Variants in FAM161A observed in about 807,000 individuals in gnomAD.
FAM161A encodes the protein protein FAM161A.
In FAM161A, 57 loss-of-function variants were observed where a neutral mutation model predicts 70.9. The observed-to-expected ratio is 0.80, with a 90% CI of 0.65 to 1.00. FAM161A has a LOEUF of 1.00. Ranked by LOEUF, FAM161A falls within the 50% of genes least tolerant of loss-of-function variation. The pLI, the probability that FAM161A is intolerant of heterozygous loss-of-function variation, is 0.00. For synonymous variants in FAM161A, 299 were observed against 295.7 expected, an observed-to-expected ratio of 1.01 and a Z score of -0.12; for missense variants, 880 against 836.0, an observed-to-expected ratio of 1.05 and a Z score of -0.65.
chr2:61,850,874 G>A (rs1673474572), intron 1 of FAM161A, among the ~76,000 whole-genome samples: 1 of 151,932 alleles, frequency 6.6e-6, no homozygotes, highest in Admixed American at 6.6e-5. Context: ...TTATGTGTCT[G>A]TTCATTTTTT....
chr2:61,818,213 G>A, the FAM161A span, among the ~76,000 whole-genome samples: 8 of 151,970 alleles, frequency 5.3e-5, no homozygotes, highest in African/African-American at 1.7e-4. Flanking sequence ...CCACCACCAC[G>A]CCCGGCTAAT....
chr2:61,844,065 C>T (rs1353891410), intron 1 of FAM161A, among the ~76,000 whole-genome samples: 1 of 151,958 alleles, frequency 6.6e-6, no homozygotes, highest in Non-Finnish European at 1.5e-5. Flanking sequence ...ATGGCGTGAA[C>T]CTGGGAGGCA....
the FAM161A span, among the ~76,000 whole-genome samples, chr2:61,807,154 T>G: frequency 6.6e-6 from 1 of 152,120 alleles, no homozygotes; most frequent in Admixed American, 6.6e-5. Context: ...CAGGAGGGCT[T>G]GCTAATTGAA....
Position 61,840,125 on chromosome 2 carries a change from G to C in FAM161A, c.879C>G (p.Leu293=). 6.2e-7 allele frequency: 1 copy of C among 1,614,144 alleles called. No individual in the cohort carries two copies. Among genetic ancestry groups the C allele is most frequent in the Non-Finnish European group, 8.5e-7 (1 of 1,180,042 alleles). The change falls in exon 3 of 7, where the codon CTC becomes CTG. Residue 293 remains leucine (L), a synonymous_variant. Transcript: ENST00000404929. ...GCTTGACTAAATCATGGTAAAGGGG[G>C]AGAAAGACAGATGCAGGAACTGGAT... ...RANPVPASVF[L]PLYHDLVKQK...
intron 1 of FAM161A, among the ~76,000 whole-genome samples, chr2:61,851,392 A>G (rs1673492270): frequency 3.3e-5 from 5 of 151,880 alleles, no homozygotes; most frequent in African/African-American, 1.2e-4. Flanking sequence ...GCTGGAGTGC[A>G]GTTTTTGCAT....
At chr2:61,844,170 C>T (rs575411507) in intron 1 of FAM161A, among the ~76,000 whole-genome samples, 183 of 152,154 alleles carry the variant, frequency 1.2e-3, no homozygotes, top group Non-Finnish European at 2.3e-3. Context: ...TTCAATAGAA[C>T]TTACGTGCAG....
chr2:61,818,307 C>T, the FAM161A span, among the ~76,000 whole-genome samples: 1,566 of 152,264 alleles, frequency 0.01, 24 homozygotes, highest in African/African-American at 0.036. Flanking sequence ...CCACCCGCCT[C>T]GGTCTCCCAA....
intron 1 of FAM161A, among the ~76,000 whole-genome samples, chr2:61,846,501 C>T (rs1241335024): frequency 2.6e-5 from 4 of 152,184 alleles, no homozygotes; most frequent in African/African-American, 9.7e-5. Context: ...GATACTCATA[C>T]AAGCCTGGGC....
At chr2:61,820,272 G>A (rs765153900), downstream of FAM161A, 10 of 680,360 alleles carry the variant, frequency 1.5e-5, no homozygotes, top group Non-Finnish European at 2.1e-5. Flanking sequence ...GCTTTGAAAC[G>A]ACTGATGAGA....
intron 5 of FAM161A, among the ~76,000 whole-genome samples, chr2:61,834,054 C>G (rs1211777611): frequency 6.6e-6 from 1 of 152,022 alleles, no homozygotes; most frequent in Non-Finnish European, 1.5e-5. Flanking sequence ...ATCAGACAGA[C>G]AATAACAAGT....
At chr2:61,847,555 G>A (rs927409412) in intron 1 of FAM161A, among the ~76,000 whole-genome samples, 4 of 152,130 alleles carry the variant, frequency 2.6e-5, no homozygotes, top group Non-Finnish European at 4.4e-5. Flanking sequence ...TGGATTGCTT[G>A]AGCCCAGGAG....
At chr2:61,811,490 C>T in the FAM161A span, among the ~76,000 whole-genome samples, 1 of 152,136 alleles carries the variant, frequency 6.6e-6, no homozygotes, top group African/African-American at 2.4e-5. Flanking sequence ...TCTCCTGTCT[C>T]AGCCTCCCAG....
At chr2:61,853,680 C>G (rs545192680) in intron 1 of FAM161A, among the ~76,000 whole-genome samples, 179 bp downstream of exon 1, 1 of 152,156 alleles carries the variant, frequency 6.6e-6, no homozygotes, top group Non-Finnish European at 1.5e-5. Flanking sequence ...TTCAACGCCT[C>G]GATTTAGAGT....
the FAM161A span, among the ~76,000 whole-genome samples, chr2:61,807,333 A>C: frequency 6.6e-6 from 1 of 151,862 alleles, no homozygotes; most frequent in Non-Finnish European, 1.5e-5. Flanking sequence ...TAAATCACAA[A>C]ATAAAAGGCA....
chr2:61,807,577 G>A, the FAM161A span, among the ~76,000 whole-genome samples: 6 of 150,176 alleles, frequency 4.0e-5, no homozygotes, highest in African/African-American at 1.2e-4. Flanking sequence ...CAAAGTGGGG[G>A]ACTTTGCAGA....
chr2:61,853,220 T>C (rs1673558558), intron 1 of FAM161A, among the ~76,000 whole-genome samples: 1 of 152,156 alleles, frequency 6.6e-6, no homozygotes, highest in African/African-American at 2.4e-5. Flanking sequence ...AAGATTCCCA[T>C]CTTTTAAGTG....
rs1373683788 is a variant in FAM161A, at chr2:61,825,568, G to A, written c.*887C>T. 2 of 444,080 alleles carry A rather than the reference G, an allele frequency of 4.5e-6. No individual in the cohort carries two copies. The highest frequency in any genetic ancestry group is 4.5e-6 in the Non-Finnish European group (1 of 224,636). The allele number at this position is 444,080 out of a possible 1,614,324, so 27.5% of individuals were successfully genotyped here. On this transcript the variant is annotated 3_prime_UTR_variant, in exon 7 of 7. Coordinates refer to ENST00000404929, the MANE Select transcript of FAM161A (RefSeq NM_001201543.2). ...GATAAAAAGAAAAAGGGATGATGGT[G>A]TAGACAATTTAACAGTAAACTCTCA...
intron 1 of FAM161A, among the ~76,000 whole-genome samples, chr2:61,844,174 C>T (rs1035605690): frequency 2.6e-5 from 4 of 152,062 alleles, no homozygotes; most frequent in African/African-American, 7.2e-5. Flanking sequence ...ATAGAACTTA[C>T]GTGCAGAAAT....
At chr2:61,829,317 T>C (rs1488651235) in intron 5 of FAM161A, among the ~76,000 whole-genome samples, 1 of 152,056 alleles carries the variant, frequency 6.6e-6, no homozygotes, top group African/African-American at 2.4e-5. Context: ...ATTTGCCAAA[T>C]CTAGTATAAT....
Sources: allele counts gnomAD v4.1 joint callset (sites outside exome capture counted in the v4.1 genomes callset), GRCh38; gene constraint gnomAD v4.1.1; transcripts MANE v1.5; gene names NCBI Gene and HGNC (gene_info 2026-07-23, HGNC 2026-07-21).